The following COL21A1 variants were observed in gnomAD, a reference collection of about 807,000 sequenced individuals.
COL21A1 encodes collagen type XXI alpha 1 chain.
Under a neutral mutation model 137.9 loss-of-function variants are expected in COL21A1, and 149 were observed. The ratio of observed to expected loss-of-function variants is 1.08; its 90% CI spans 0.95 to 1.24. The LOEUF is 1.24. COL21A1 is among the 50% of genes most tolerant of loss of function. The pLI, the probability that COL21A1 is intolerant of heterozygous loss-of-function variation, is 0.00. For synonymous variants in COL21A1, 456 were observed against 391.5 expected (o/e 1.16, Z -1.95); for missense variants, 1,167 against 1,158.4 (o/e 1.01, Z -0.11).
intron 17 of COL21A1, among the ~76,000 whole-genome samples, chr6:56,083,755 A>T (rs1180667730): frequency 1.3e-5 from 2 of 152,016 alleles, no homozygotes; most frequent in Non-Finnish European, 2.9e-5. Context: ...GAAATCTACA[A>T]GCTGATGTAA....
Position 56,312,596 on chromosome 6 carries a change from A to G in COL21A1, c.-39+81375T>C. On this transcript the variant is annotated intron_variant, in intron 1 of 28. Coordinates refer to the COL21A1 transcript ENST00000370819. Reference sequence around the variant, plus strand: ...CAGGTACTTAGATACTTAGCTCACAATAGCCAGGAATAATATACAGCTATC... The same window carrying G: ...CAGGTACTTAGATACTTAGCTCACAGTAGCCAGGAATAATATACAGCTATC... Among the ~76,000 whole-genome samples, 2 of 152,242 alleles carry G rather than the reference A, an allele frequency of 1.3e-5. 1 individual carries two copies. The highest frequency in any genetic ancestry group is 3.8e-4 in the East Asian group (2 of 5,200).
At chr6:56,236,872 C>T (rs1182384217) in intron 1 of COL21A1, among the ~76,000 whole-genome samples, 1 of 151,934 alleles carries the variant, frequency 6.6e-6, no homozygotes. Context: ...ACAATACCTC[C>T]TTGCTGCGAA....
chr6:56,324,976 T>C (rs1764971073), intron 1 of COL21A1, among the ~76,000 whole-genome samples: 1 of 151,632 alleles, frequency 6.6e-6, no homozygotes, highest in South Asian at 2.1e-4. Flanking sequence ...TCACAAAGAA[T>C]ATGAACAAAC....
intron 1 of COL21A1, among the ~76,000 whole-genome samples, chr6:56,334,062 G>A (rs1329242687): frequency 6.6e-6 from 1 of 152,176 alleles, no homozygotes; most frequent in African/African-American, 2.4e-5. Context: ...AGAGTCATCA[G>A]GTAGCTAAGA....
chr6:56,219,796 A>G (rs986119284), intron 1 of COL21A1, among the ~76,000 whole-genome samples: 38 of 152,078 alleles, frequency 2.5e-4, no homozygotes, highest in African/African-American at 8.7e-4. Context: ...ATTTTTGCCC[A>G]TCTATCCACT....
rs145531401 is a variant in COL21A1 at position 56,089,434 on chromosome 6, A to G, written c.1813-11861T>C. ...ACATCTATATATATTTTTTGCACTCATGGCATAACTTTTTATTTTAAAAAA... is the reference window on the plus strand; with the variant it reads ...ACATCTATATATATTTTTTGCACTCGTGGCATAACTTTTTATTTTAAAAAA... On this transcript the variant is annotated intron_variant, in intron 17 of 29. Transcript: ENST00000244728. Among the ~76,000 whole-genome samples the G allele has an allele frequency of 3.6e-3, 552 of 152,272 alleles. 7 individuals are homozygous for G. Among genetic ancestry groups the G allele is most frequent in the African/African-American group, 0.013 (525 of 41,560 alleles).
At chr6:56,205,543 C>T (rs1779713099) in intron 1 of COL21A1, among the ~76,000 whole-genome samples, 1 of 152,112 alleles carries the variant, frequency 6.6e-6, no homozygotes, top group Admixed American at 6.6e-5. Flanking sequence ...AGAATGGAAC[C>T]AAGTTGGAAA....
At chr6:56,310,089 T>C (rs1318536119) in intron 1 of COL21A1, among the ~76,000 whole-genome samples, 1 of 152,156 alleles carries the variant, frequency 6.6e-6, no homozygotes, top group Non-Finnish European at 1.5e-5. Context: ...AGTATCAAAA[T>C]CCAGGATCAG....
chr6:56,314,918 T>C (rs760123865), intron 1 of COL21A1, among the ~76,000 whole-genome samples: 66 of 152,112 alleles, frequency 4.3e-4, no homozygotes, highest in Non-Finnish European at 6.9e-4. Context: ...TTTGGTTCCT[T>C]GGGATTTGAG....
At chr6:56,150,448 G>A (rs1582489447) in intron 10 of COL21A1, among the ~76,000 whole-genome samples, 1 of 151,934 alleles carries the variant, frequency 6.6e-6, no homozygotes, top group African/African-American at 2.4e-5. Flanking sequence ...AACCTGGGAG[G>A]CGGAGCTTGC....
intron 1 of COL21A1, among the ~76,000 whole-genome samples, chr6:56,314,075 C>T (rs1582774417): frequency 6.6e-6 from 1 of 152,162 alleles, no homozygotes; most frequent in Non-Finnish European, 1.5e-5. Flanking sequence ...ACCTCCACCT[C>T]CTGGGTTCAA....
chr6:56,252,174 T>G (rs962070787), upstream of COL21A1, among the ~76,000 whole-genome samples: 5 of 152,320 alleles, frequency 3.3e-5, no homozygotes, highest in African/African-American at 1.2e-4. Context: ...TTCAATACCT[T>G]CACATTTTCC....
chr6:56,152,803 A>G (rs742498), intron 10 of COL21A1, among the ~76,000 whole-genome samples: 4,626 of 152,266 alleles, frequency 0.03, 175 homozygotes, highest in African/African-American at 0.084. Context: ...TAGCAGTGCC[A>G]TCTGGGAGCT....
At chr6:56,222,562 C>A (rs1258398299) in intron 1 of COL21A1, among the ~76,000 whole-genome samples, 1 of 152,066 alleles carries the variant, frequency 6.6e-6, no homozygotes, top group Non-Finnish European at 1.5e-5. Flanking sequence ...GACATGTAAT[C>A]CATTTCTATG....
At chr6:56,209,792 T>C (rs1780039900) in intron 1 of COL21A1, among the ~76,000 whole-genome samples, 1 of 152,130 alleles carries the variant, frequency 6.6e-6, no homozygotes, top group South Asian at 2.1e-4. Flanking sequence ...TACCCAAGGA[T>C]TATAAATCAT....
intron 1 of COL21A1, among the ~76,000 whole-genome samples, chr6:56,381,214 G>A (rs1245268623): frequency 6.6e-6 from 1 of 151,936 alleles, no homozygotes; most frequent in African/African-American, 2.4e-5. Flanking sequence ...TTATTTTGGG[G>A]GCAAGAATTT....
chr6:56,382,540 A>G (rs979796769), intron 1 of COL21A1, among the ~76,000 whole-genome samples: 4 of 152,168 alleles, frequency 2.6e-5, no homozygotes, highest in Non-Finnish European at 4.4e-5. Context: ...GTTTGGAGAT[A>G]GGGCTTTTAG....
upstream of COL21A1, among the ~76,000 whole-genome samples, chr6:56,248,736 G>A (rs1782769662): frequency 6.6e-6 from 1 of 152,216 alleles, no homozygotes; most frequent in Admixed American, 6.5e-5. Flanking sequence ...TAATTCAGGT[G>A]TGATACAAAC....
At chr6:56,171,341 T>C (rs1777040827) in intron 3 of COL21A1, among the ~76,000 whole-genome samples, 1 of 151,948 alleles carries the variant, frequency 6.6e-6, no homozygotes. Flanking sequence ...GATCTTAATA[T>C]GCTTTTTTCT....
Sources: allele counts gnomAD v4.1 joint callset (sites outside exome capture counted in the v4.1 genomes callset), GRCh38; gene constraint gnomAD v4.1.1; transcripts MANE v1.5; gene names NCBI Gene and HGNC (gene_info 2026-07-23, HGNC 2026-07-21).